Variants in LAPTM4B observed in about 807,000 individuals in gnomAD.
LAPTM4B encodes the protein lysosomal-associated transmembrane protein 4B.
A neutral mutation model predicts 28.5 loss-of-function variants in LAPTM4B; 26 were observed. That is an observed-to-expected ratio of 0.91 (90% CI 0.67 to 1.27). The LOEUF is 1.27. LAPTM4B is among the 50% of genes most tolerant of loss of function. The pLI is 0.00. For synonymous variants in LAPTM4B, 109 were observed against 106.4 expected, an observed-to-expected ratio of 1.02 and a Z score of -0.15; for missense variants, 288 against 285.8, an observed-to-expected ratio of 1.01 and a Z score of -0.06.
intron 1 of LAPTM4B, among the ~76,000 whole-genome samples, chr8:97,796,912 C>T (rs1035194180): frequency 1.3e-5 from 2 of 152,104 alleles, no homozygotes; most frequent in Non-Finnish European, 2.9e-5. Context: ...TGCACTCCAG[C>T]TTGCGTGACA....
intron 6 of LAPTM4B, among the ~76,000 whole-genome samples, chr8:97,849,757 A>G (rs1420113613): frequency 2.0e-5 from 3 of 152,124 alleles, no homozygotes; most frequent in African/African-American, 7.2e-5. Flanking sequence ...CTGTTCAGCC[A>G]GGCCAGTAGG....
rs562842467 is a variant in LAPTM4B, at chr8:97,829,209, A to G, written c.603+4056A>G. Among the ~76,000 whole-genome samples, 2 of 152,252 alleles carry G rather than the reference A, an allele frequency of 1.3e-5. 1 individual carries two copies. The highest frequency in any genetic ancestry group is 1.3e-4 in the Admixed American group (2 of 15,300). On this transcript the variant is annotated intron_variant, in intron 6 of 6. Coordinates refer to ENST00000521545, the MANE Select transcript of LAPTM4B (RefSeq NM_018407.6). ...GAGAGGTTCTATTTTCATGGTGTATAAGAAAGCGCTTGGTATCTACAAGTA... is the reference window on the plus strand; with the variant it reads ...GAGAGGTTCTATTTTCATGGTGTATGAGAAAGCGCTTGGTATCTACAAGTA...
intron 1 of LAPTM4B, among the ~76,000 whole-genome samples, chr8:97,804,146 G>T (rs1046815569): frequency 4.6e-5 from 7 of 152,296 alleles, no homozygotes; most frequent in African/African-American, 1.7e-4. Context: ...TTGGAAGGCA[G>T]AGGTGGGAGG....
Position 97,807,203 on chromosome 8 carries a change from T to C in LAPTM4B, c.211+1739T>C, listed in dbSNP as rs116480430. On this transcript the variant is annotated intron_variant, in intron 2 of 6. Coordinates refer to ENST00000521545, the MANE Select transcript of LAPTM4B (RefSeq NM_018407.6). ...ATGCTAAACTTGAGCTAGTGACTTA[T>C]CATTGTGTGCCTCAATTTCCCCCTC... Among the ~76,000 whole-genome samples the C allele has an allele frequency of 6.1e-3, 927 of 152,308 alleles. 7 individuals carry two copies. Among genetic ancestry groups the C allele is most frequent in the African/African-American group, 0.021 (874 of 41,564 alleles).
chr8:97,842,720 T>C (rs1817368347), intron 6 of LAPTM4B, among the ~76,000 whole-genome samples: 1 of 151,924 alleles, frequency 6.6e-6, no homozygotes, highest in African/African-American at 2.4e-5. Context: ...AGTTTCACCA[T>C]ATTGGCCAGG....
At chr8:97,804,039 A>G (rs16896221) in intron 1 of LAPTM4B, among the ~76,000 whole-genome samples, 7,941 of 152,318 alleles carry the variant, frequency 0.052, 562 homozygotes, top group African/African-American at 0.16. Flanking sequence ...AGAGTAAAAC[A>G]TAGAACTGTG....
intron 1 of LAPTM4B, among the ~76,000 whole-genome samples, chr8:97,776,603 C>T (rs1222476443): frequency 6.6e-6 from 1 of 152,194 alleles, no homozygotes; most frequent in East Asian, 1.9e-4. Flanking sequence ...CGCGTCTCCG[C>T]TAGGGTGGCC....
chr8:97,820,924 A>G (rs933382641), intron 5 of LAPTM4B, among the ~76,000 whole-genome samples: 4 of 151,706 alleles, frequency 2.6e-5, no homozygotes, highest in African/African-American at 9.7e-5. Flanking sequence ...GACGGGTTTC[A>G]CCATGTTGGC....
chr8:97,789,517 C>T (rs1816465118), intron 1 of LAPTM4B, among the ~76,000 whole-genome samples: 1 of 150,394 alleles, frequency 6.6e-6, no homozygotes, highest in Non-Finnish European at 1.5e-5. Context: ...CCCTACCATA[C>T]CTGGCTAATT....
intron 5 of LAPTM4B, among the ~76,000 whole-genome samples, chr8:97,822,153 G>GCCTA (rs1057372419): frequency 9.2e-5 from 14 of 152,046 alleles, no homozygotes; most frequent in African/African-American, 1.9e-4. Flanking sequence ...GGCTAGGGCT[G>GCCTA]CCTACCATCC....
intron 1 of LAPTM4B, among the ~76,000 whole-genome samples, chr8:97,781,424 C>T (rs1235712930): frequency 6.6e-6 from 1 of 151,200 alleles, no homozygotes; most frequent in African/African-American, 2.4e-5. Flanking sequence ...ATTACAGGCA[C>T]CCACCACTGC....
Position 97,781,075 on chromosome 8 carries a change from C to T in LAPTM4B, c.99+4967C>T, listed in dbSNP as rs534912109. The stretch of plus-strand genomic sequence containing the variant: ...CGTGATCTCGGCTCACCACAACCTC[C>T]GCCTCCTGGGTTCAAGCGATTCTCC... On this transcript the variant is annotated intron_variant, in intron 1 of 6. Coordinates refer to ENST00000521545, the MANE Select transcript of LAPTM4B (RefSeq NM_018407.6). 2.5e-3 allele frequency among the ~76,000 whole-genome samples: 377 copies of T among 151,890 alleles called. 3 individuals carry two copies. The highest frequency in any genetic ancestry group is 7.9e-3 in the African/African-American group (328 of 41,382).
At chr8:97,813,731 A>G (rs1209387615) in intron 2 of LAPTM4B, among the ~76,000 whole-genome samples, 1 of 152,056 alleles carries the variant, frequency 6.6e-6, no homozygotes, top group East Asian at 1.9e-4. Context: ...TTACATTTTA[A>G]TGTTTTTGAA....
intron 6 of LAPTM4B, among the ~76,000 whole-genome samples, chr8:97,829,287 TG>T (rs1449848778): frequency 2.0e-5 from 3 of 152,074 alleles, no homozygotes; most frequent in Non-Finnish European, 2.9e-5. Context: ...AAGAAGGACT[TG>T]GAGGGGAATC....
At chr8:97,843,780 CAAAT>C (rs150370509) in intron 6 of LAPTM4B, among the ~76,000 whole-genome samples, 37,382 of 148,824 alleles carry the variant, frequency 0.25, 5,024 homozygotes, top group Non-Finnish European at 0.31. Context: ...AACTCCATCT[CAAAT>C]AAATAAATAA....
Position 97,799,382 on chromosome 8 carries a change from A to G in LAPTM4B, c.100-5971A>G, listed in dbSNP as rs1286594923. Among the ~76,000 whole-genome samples, 4 of 152,248 alleles carry G rather than the reference A, an allele frequency of 2.6e-5. 1 individual carries two copies. The South Asian group carries it at 6.2e-4, about 24-fold the overall frequency. On this transcript the variant is annotated intron_variant, in intron 1 of 6. Transcript: ENST00000521545. ...GAGGAGCTTGGCTTTTTAGAGAGAAATGGGCTGAAGAAACCAGAAACAAAG... is the reference window on the plus strand; with the variant it reads ...GAGGAGCTTGGCTTTTTAGAGAGAAGTGGGCTGAAGAAACCAGAAACAAAG...
chr8:97,806,355 G>A (rs1235262136), intron 2 of LAPTM4B, among the ~76,000 whole-genome samples: 1 of 152,156 alleles, frequency 6.6e-6, no homozygotes, highest in African/African-American at 2.4e-5. Context: ...GCTGCACTGG[G>A]GATAGAGAAC....
intron 5 of LAPTM4B, among the ~76,000 whole-genome samples, chr8:97,823,371 T>TTG: frequency 7.0e-6 from 1 of 143,072 alleles, no homozygotes; most frequent in African/African-American, 2.6e-5. Context: ...TTTTTTGTTG[T>TTG]TGTTGTTGTT....
At chr8:97,827,777 G>A (rs1450219461) in intron 6 of LAPTM4B, among the ~76,000 whole-genome samples, 4 of 152,192 alleles carry the variant, frequency 2.6e-5, no homozygotes, top group South Asian at 2.1e-4. Context: ...GAGAGTCAGC[G>A]AAGGGTGGTG....
Sources: allele counts gnomAD v4.1 joint callset (sites outside exome capture counted in the v4.1 genomes callset), GRCh38; gene constraint gnomAD v4.1.1; transcripts MANE v1.5; gene names NCBI Gene and HGNC (gene_info 2026-07-23, HGNC 2026-07-21).